Variants in ZBTB49 observed in about 807,000 individuals in gnomAD.
ZBTB49 encodes zinc finger and BTB domain-containing protein 49.
Under a neutral mutation model 57.5 loss-of-function variants are expected in ZBTB49, and 43 were observed. The ratio of observed to expected loss-of-function variants is 0.75; its 90% confidence interval spans 0.59 to 0.97. The LOEUF is 0.97. ZBTB49 is among the 50% of genes least tolerant of loss of function. The probability of loss-of-function intolerance (pLI) is 0.00; values close to 1 mark genes in which losing one functional copy is unlikely to be tolerated. For missense variants in ZBTB49, 938 were observed against 947.7 expected (o/e 0.99, Z 0.13); for synonymous variants, 369 against 362.1 (o/e 1.02, Z -0.22).
At chr4:4,308,775 G>A (rs1320749459) in intron 4 of ZBTB49, among the ~76,000 whole-genome samples, 1 of 152,170 alleles carries the variant, frequency 6.6e-6, no homozygotes, top group Non-Finnish European at 1.5e-5. Flanking sequence ...GTAAATGATC[G>A]AGTACAGTGA....
Position 4,299,987 on chromosome 4 carries a change from A to G in ZBTB49, c.42A>G (p.Gln14=), listed in dbSNP as rs763576007. 2.5e-6 allele frequency: 4 copies of G among 1,614,160 alleles called. No individual in the cohort carries two copies. Among genetic ancestry groups the G allele is most frequent in the East Asian group, 2.2e-5 (1 of 44,886 alleles). The change falls in exon 2 of 8, where the codon CAA becomes CAG. Residue 14 remains glutamine (Q), a synonymous_variant. Coordinates refer to ENST00000337872, the MANE Select transcript of ZBTB49 (RefSeq NM_145291.4). ...VATHSCHLLQ[Q]LHEQRIQGLL... ...CCCACAGCTGCCATCTGCTCCAGCA[A>G]CTGCATGAGCAGCGAATCCAAGGCC...
rs140459733 is a variant in ZBTB49, at chr4:4,320,889, C to T, written c.1871C>T (p.Thr624Met). The change falls in exon 8 of 8, where the codon ACG becomes ATG. Residue 624 changes from threonine (T) to methionine (M), a missense_variant. This residue lies in a region of ZBTB49 where 835 missense variants were observed against 819.1 expected (regional missense o/e 1.02). Coordinates refer to ENST00000337872, the MANE Select transcript of ZBTB49 (RefSeq NM_145291.4). ...TCTTTCTCCCAAGACACGTCTGTGACGCTGATGCCAGTGTCGGTTAAACTC... is the reference window on the plus strand; with the variant it reads ...TCTTTCTCCCAAGACACGTCTGTGATGCTGATGCCAGTGTCGGTTAAACTC... ...SDSFSQDTSV[T>M]LMPVSVKLPV... 23 of 1,614,078 alleles carry T rather than the reference C, an allele frequency of 1.4e-5. No homozygotes were observed. The highest frequency in any genetic ancestry group is 8.8e-5 in the South Asian group (8 of 91,074).
At chr4:4,304,444 C>CT (rs1720652993) in intron 3 of ZBTB49, among the ~76,000 whole-genome samples, 2 of 151,986 alleles carry the variant, frequency 1.3e-5, no homozygotes, top group Non-Finnish European at 2.9e-5. Context: ...TCTTGAACTC[C>CT]TAACCTCAAG....
intron 4 of ZBTB49, among the ~76,000 whole-genome samples, chr4:4,310,043 C>G (rs575140361): frequency 3.2e-4 from 48 of 152,178 alleles, no homozygotes; most frequent in Middle Eastern, 3.4e-3. Context: ...CACTCAACTG[C>G]CGTTAAGAGT....
chr4:4,304,922 C>T (rs147210579), intron 3 of ZBTB49, among the ~76,000 whole-genome samples: 1,085 of 104,214 alleles, frequency 0.01, 8 homozygotes, highest in African/African-American at 0.039. Flanking sequence ...TTAACAAAAG[C>T]TCTTTAGGAC....
intron 4 of ZBTB49, among the ~76,000 whole-genome samples, chr4:4,309,391 G>C (rs1251618146): frequency 6.6e-6 from 1 of 152,226 alleles, no homozygotes; most frequent in Non-Finnish European, 1.5e-5. Context: ...AGAGGGAAGT[G>C]TTTCCTCTGT....
chr4:4,304,944 G>GAGT (rs10623694), intron 3 of ZBTB49, among the ~76,000 whole-genome samples: 127,016 of 151,830 alleles, frequency 0.84, 53,222 homozygotes, highest in African/African-American at 0.86. Flanking sequence ...TCAATTTTAA[G>GAGT]GTGAAGGGGT....
chr4:4,318,631 A>G (rs1401208556), intron 7 of ZBTB49, among the ~76,000 whole-genome samples: 2 of 152,178 alleles, frequency 1.3e-5, no homozygotes, highest in African/African-American at 4.8e-5. Flanking sequence ...AAAAAACAAA[A>G]AAGATAAAAA....
chr4:4,316,330 C>T (rs192687976), intron 7 of ZBTB49, among the ~76,000 whole-genome samples: 17 of 152,266 alleles, frequency 1.1e-4, no homozygotes, highest in African/African-American at 2.9e-4. Context: ...ATTAGGAGCA[C>T]GTGCTGGGAT....
In ZBTB49 at chr4:4,309,500, G is replaced by A. The variant is rs181748830; in HGVS notation, c.1302+3316G>A. On this transcript the variant is annotated intron_variant, in intron 4 of 7. Coordinates refer to ENST00000337872, the MANE Select transcript of ZBTB49 (RefSeq NM_145291.4). ...TGAGAAACGGGAAAGAAAATGCGGC[G>A]TAATTACCTGTCTTTGGGGAGAGGA... Among the ~76,000 whole-genome samples the A allele has an allele frequency of 5.3e-5, 8 of 152,324 alleles. No individual in the cohort carries two copies. The South Asian group carries it at 1.2e-3, about 24-fold the overall frequency.
rs1426424573 is a variant in ZBTB49 at position 4,302,350 on chromosome 4, G to T, written c.514G>T (p.Glu172Ter). The T allele has an allele frequency of 6.2e-7, 1 of 1,614,234 alleles. No homozygotes were observed. The highest frequency in any genetic ancestry group is 8.5e-7 in the Non-Finnish European group (1 of 1,180,040). The stretch of plus-strand genomic sequence containing the variant: ...TGCACAGCAGAACAAAACGTTGGAT[G>T]AATCGCATCCGCATGCTTCACCATC... ...ADAQQNKTLD[E>*]SHPHASPSVN... Residue 172 changes from glutamate (E) to a stop codon, truncating the protein, a stop_gained, in exon 3 of 8, where the codon GAA (glutamate) becomes TAA (stop). Transcript: ENST00000337872. LOFTEE classifies it high-confidence loss of function.
At chr4:4,303,780 C>CTG (rs1434243483) in intron 3 of ZBTB49, among the ~76,000 whole-genome samples, 1 of 67,138 alleles carries the variant, frequency 1.5e-5, no homozygotes, top group East Asian at 2.5e-4. Context: ...GTCTCTCTCT[C>CTG]TCTCTATATA....
intron 1 of ZBTB49, among the ~76,000 whole-genome samples, chr4:4,292,104 C>A (rs1223710199): frequency 6.6e-6 from 1 of 151,938 alleles, no homozygotes; most frequent in African/African-American, 2.4e-5. Context: ...GAGACCCCCA[C>A]CCCTCGTCCT....
Position 4,306,126 on chromosome 4 carries a change from G to A in ZBTB49, c.1256-12G>A. The A allele has an allele frequency of 6.2e-7, 1 of 1,610,678 alleles. No homozygotes were observed. Among genetic ancestry groups the A allele is most frequent in the Non-Finnish European group, 8.5e-7 (1 of 1,178,790 alleles). On this transcript the variant is annotated splice_polypyrimidine_tract_variant and intron_variant, in intron 3 of 7. Coordinates refer to ENST00000337872, the MANE Select transcript of ZBTB49 (RefSeq NM_145291.4). ...TAATGATTTTACAAGTTGTTGTTTT[G>A]TTTTGTTTTAGGTGAGAAACCTTTT...
At chr4:4,320,519 C>T (rs1007858900) in intron 7 of ZBTB49, 121 bp from the exon 8 acceptor site, 13 of 1,236,412 alleles carry the variant, frequency 1.1e-5, no homozygotes, top group Non-Finnish European at 1.5e-5. Context: ...ATGCGCCTGT[C>T]GTCCCAGCTA....
chr4:4,305,905 A>G (rs1392310423), intron 3 of ZBTB49, among the ~76,000 whole-genome samples: 1 of 152,240 alleles, frequency 6.6e-6, no homozygotes, highest in Non-Finnish European at 1.5e-5. Flanking sequence ...ATTTTAACAT[A>G]AGTTTTGTTT....
At chr4:4,295,338 C>G (rs1005626352) in intron 1 of ZBTB49, among the ~76,000 whole-genome samples, 1 of 152,096 alleles carries the variant, frequency 6.6e-6, no homozygotes, top group South Asian at 2.1e-4. Flanking sequence ...ATTTTTAAAC[C>G]ATCAGATCTA....
At chr4:4,304,465 A>G (rs920116340) in intron 3 of ZBTB49, among the ~76,000 whole-genome samples, 1 of 152,012 alleles carries the variant, frequency 6.6e-6, no homozygotes, top group Non-Finnish European at 1.5e-5. Flanking sequence ...TGATCTGCCC[A>G]CCTCGGCCTC....
At chr4:4,311,211 A>G (rs1720969015) in intron 4 of ZBTB49, among the ~76,000 whole-genome samples, 1 of 152,240 alleles carries the variant, frequency 6.6e-6, no homozygotes, top group Admixed American at 6.5e-5. Flanking sequence ...AAAACAAGTA[A>G]TCGTTATGCC....
Sources: gnomAD v4.1 joint callset for allele counts (sites outside exome capture counted in the v4.1 genomes callset) on GRCh38, gnomAD v4.1.1 for gene constraint, gnomAD v4.1.1 regional missense constraint, MANE v1.5 for transcripts, NCBI Gene and HGNC (gene_info 2026-07-23, HGNC 2026-07-21) for gene names.